Variants in DGKH observed in about 807,000 individuals in gnomAD.
DGKH encodes diacylglycerol kinase eta, also known as DAG kinase eta.
A neutral mutation model predicts 159.3 loss-of-function variants in DGKH; 90 were observed. That is an observed-to-expected ratio of 0.57 (90% confidence interval 0.48 to 0.67). The LOEUF (loss-of-function observed/expected upper bound fraction) is 0.67, where lower values mean the gene tolerates loss of function less well. Among genes scored for constraint, DGKH ranks in the 30% least tolerant of loss-of-function variants. The pLI is 0.00. For missense variants in DGKH, 1,181 were observed against 1,506.1 expected, an observed-to-expected ratio of 0.78 and a Z score of 3.57; for synonymous variants, 536 against 553.8, an observed-to-expected ratio of 0.97 and a Z score of 0.45.
Position 42,163,554 on chromosome 13 carries a change from C to G in DGKH, c.856-1777C>G, listed in dbSNP as rs571951067. 6.6e-5 allele frequency among the ~76,000 whole-genome samples: 10 copies of G among 152,322 alleles called. 1 individual carries two copies. The highest frequency in any genetic ancestry group is 2.4e-4 in the African/African-American group (10 of 41,582). ...TCCTGACTTTTTAATGATTGCCATT[C>G]TAACGGGTGTGAGATGGTATCTCAT... On this transcript the variant is annotated intron_variant, in intron 7 of 29. Transcript: ENST00000337343.
chr13:42,229,011 T>G, intron 29 of DGKH, 88 bp from the exon 30 acceptor site: 2 of 1,143,674 alleles, frequency 1.7e-6, no homozygotes, highest in Non-Finnish European at 2.5e-6. Context: ...ATAAACTTTT[T>G]TCCTTTTCTT....
At chr13:42,164,599 C>T (rs1409446251) in intron 7 of DGKH, among the ~76,000 whole-genome samples, 1 of 152,186 alleles carries the variant, frequency 6.6e-6, no homozygotes, top group East Asian at 1.9e-4. Context: ...ATTTAGAAGG[C>T]TCTCCAGACA....
At chr13:42,054,034 G>A (rs1442912632) in intron 1 of DGKH, among the ~76,000 whole-genome samples, 1 of 152,158 alleles carries the variant, frequency 6.6e-6, no homozygotes, top group African/African-American at 2.4e-5. Context: ...TTATGGTAAG[G>A]CAGTATATGA....
intron 24 of DGKH, 34 bp from the exon 25 acceptor site, chr13:42,214,471 AAG>A: frequency 6.3e-7 from 1 of 1,592,294 alleles, no homozygotes; most frequent in South Asian, 1.2e-5. Flanking sequence ...ATACTCAAAA[AAG>A]TTTTTTATTC....
At chr13:42,058,018 A>C (rs1881884625) in intron 1 of DGKH, among the ~76,000 whole-genome samples, 1 of 152,118 alleles carries the variant, frequency 6.6e-6, no homozygotes, top group Non-Finnish European at 1.5e-5. Context: ...TACTATAGAG[A>C]AAAGTTCTTA....
At chr13:42,113,834 A>C in intron 1 of DGKH, among the ~76,000 whole-genome samples, 1 of 152,188 alleles carries the variant, frequency 6.6e-6, no homozygotes, top group Middle Eastern at 3.2e-3. Context: ...AATAAAAGGA[A>C]AAAGCAATGT....
chr13:42,152,603 AT>A (rs1955935926), intron 3 of DGKH, among the ~76,000 whole-genome samples: 1 of 138,978 alleles, frequency 7.2e-6, no homozygotes, highest in Non-Finnish European at 1.6e-5. Context: ...GTCCTTTGTC[AT>A]GTCATTTTCC....
chr13:42,224,918 A>ATG (rs1222240949), intron 29 of DGKH, among the ~76,000 whole-genome samples: 1 of 151,738 alleles, frequency 6.6e-6, no homozygotes, highest in Non-Finnish European at 1.5e-5. Flanking sequence ...ATATATATAT[A>ATG]CATATATTTG....
At chr13:42,173,928 C>T (rs1394256599) in intron 11 of DGKH, 132 bp from the exon 12 acceptor site, 2 of 497,198 alleles carry the variant, frequency 4.0e-6, no homozygotes, top group Non-Finnish European at 3.5e-6. Context: ...ATAAAATAAA[C>T]CATAGTTCAT....
chr13:42,159,468 AT>A, intron 6 of DGKH, 96 bp downstream of exon 6: 1 of 866,498 alleles, frequency 1.2e-6, no homozygotes, highest in Non-Finnish European at 1.9e-6. Context: ...AATGCTTATT[AT>A]TAGGATTTAA....
At chr13:42,225,728 A>C (rs913081630) in intron 29 of DGKH, among the ~76,000 whole-genome samples, 7 of 150,442 alleles carry the variant, frequency 4.7e-5, no homozygotes, top group Non-Finnish European at 1.5e-5. Flanking sequence ...AGCTGAGATC[A>C]TGCCACTGCA....
At chr13:42,201,726 T>C (rs903499589) in intron 20 of DGKH, among the ~76,000 whole-genome samples, 1 of 152,210 alleles carries the variant, frequency 6.6e-6, no homozygotes, top group African/African-American at 2.4e-5. Context: ...AAAAGAAGAC[T>C]TACCAATAAG....
chr13:42,040,608 G>A (rs1276192388), intron 1 of DGKH, among the ~76,000 whole-genome samples: 4 of 151,738 alleles, frequency 2.6e-5, no homozygotes, highest in African/African-American at 9.6e-5. Context: ...GCGGTGGCGG[G>A]GAGCGGACCG....
chr13:42,210,449 G>A (rs1041458943), intron 23 of DGKH, among the ~76,000 whole-genome samples, 153 bp from the exon 24 acceptor site: 1 of 152,110 alleles, frequency 6.6e-6, no homozygotes, highest in African/African-American at 2.4e-5. Flanking sequence ...ATGTGTTGCA[G>A]TACATTGGAA....
intron 1 of DGKH, among the ~76,000 whole-genome samples, chr13:42,052,557 C>T (rs1881404389): frequency 6.6e-6 from 1 of 152,168 alleles, no homozygotes; most frequent in Admixed American, 6.5e-5. Flanking sequence ...CCCTCTTTAC[C>T]TTCTTGAGTT....
At chr13:42,246,197 C>T (rs769685996), downstream of DGKH, among the ~76,000 whole-genome samples, 7 of 152,178 alleles carry the variant, frequency 4.6e-5, no homozygotes, top group East Asian at 1.9e-4. Flanking sequence ...ACCACCAGTA[C>T]GTTCACAAAA....
rs1268774291 is a variant in DGKH at position 42,235,689 on chromosome 13, A to G, written c.*6501A>G. 6.6e-6 allele frequency: 1 copy of G among 152,148 alleles called. No individual in the cohort carries two copies. Among genetic ancestry groups the G allele is most frequent in the African/African-American group, 2.4e-5 (1 of 41,446 alleles). 9.4% of individuals were successfully genotyped at this position (152,148 alleles called of 1,614,324 possible). A position where few individuals can be genotyped will look rare whatever the true frequency, so the allele number is the denominator to read the frequency against. On this transcript the variant is annotated 3_prime_UTR_variant, in exon 30 of 30. Transcript: ENST00000337343. ...CTGGTAACTGGTAACTAGTGCTGTGAAAGGTTTTGGTATTGTAACATTCCC... is the reference window on the plus strand; with the variant it reads ...CTGGTAACTGGTAACTAGTGCTGTGGAAGGTTTTGGTATTGTAACATTCCC...
chr13:42,121,714 G>A (rs1955075206), intron 1 of DGKH, among the ~76,000 whole-genome samples: 1 of 152,192 alleles, frequency 6.6e-6, no homozygotes, highest in African/African-American at 2.4e-5. Context: ...GTATCCTTGG[G>A]ATTCAGACAC....
intron 1 of DGKH, among the ~76,000 whole-genome samples, chr13:42,053,482 A>G (rs533317764): frequency 1.6e-4 from 24 of 147,084 alleles, no homozygotes; most frequent in African/African-American, 4.9e-4. Context: ...ATGTATAACT[A>G]TATAACTATA....
Sources: allele counts gnomAD v4.1 joint callset (sites outside exome capture counted in the v4.1 genomes callset), GRCh38; gene constraint gnomAD v4.1.1; transcripts MANE v1.5; gene names NCBI Gene and HGNC (gene_info 2026-07-23, HGNC 2026-07-21).